GALNTL6: variants seen among roughly 807,000 people sequenced by gnomAD.
GALNTL6 encodes polypeptide N-acetylgalactosaminyltransferase-like 6.
In GALNTL6, 46 loss-of-function variants were observed where a neutral mutation model predicts 73.7. That is an observed-to-expected ratio of 0.62 (90% confidence interval 0.49 to 0.80). The LOEUF (loss-of-function observed/expected upper bound fraction) is 0.80, where lower values mean the gene tolerates loss of function less well. Among genes scored for constraint, GALNTL6 ranks in the 30% least tolerant of loss-of-function variants. The pLI, the probability that GALNTL6 is intolerant of heterozygous loss-of-function variation, is 0.00. For missense variants in GALNTL6, 604 were observed against 755.0 expected, an observed-to-expected ratio of 0.80 and a Z score of 2.34; for synonymous variants, 259 against 263.7, an observed-to-expected ratio of 0.98 and a Z score of 0.17.
chr4:173,018,144 GC>G lies in GALNTL6; in HGVS notation c.1489-3330del, dbSNP rs1752856676. 2.0e-5 allele frequency among the ~76,000 whole-genome samples: 3 copies of G among 152,282 alleles called. No individual in the cohort carries two copies. In the South Asian group the frequency reaches 6.2e-4, roughly 32 times the overall value. On this transcript the variant is annotated intron_variant, in intron 11 of 12. Transcript: ENST00000506823. ...CACTTGTTCCTGCATTGGTTGGACT[GC>G]CTATAGTACAAGGGAAATGTGCTAT...
At chr4:171,827,372 C>A (rs1265430194) in intron 2 of GALNTL6, among the ~76,000 whole-genome samples, 1 of 152,064 alleles carries the variant, frequency 6.6e-6, no homozygotes, top group East Asian at 1.9e-4. Flanking sequence ...TGACTCAGGG[C>A]GCATAGCCAT....
At chr4:172,402,568 G>C (rs1744080399) in intron 5 of GALNTL6, among the ~76,000 whole-genome samples, 1 of 152,006 alleles carries the variant, frequency 6.6e-6, no homozygotes, top group South Asian at 2.1e-4. Flanking sequence ...ATAAAACACT[G>C]CTATTGCATT....
At chr4:172,698,616 C>G (rs772498373) in intron 5 of GALNTL6, among the ~76,000 whole-genome samples, 1 of 152,128 alleles carries the variant, frequency 6.6e-6, no homozygotes. Flanking sequence ...GGATTCTTAA[C>G]GATGATTCAG....
chr4:172,176,404 T>A (rs967858549), intron 2 of GALNTL6, among the ~76,000 whole-genome samples: 4 of 150,396 alleles, frequency 2.7e-5, no homozygotes, highest in African/African-American at 9.8e-5. Context: ...AAAATAACGT[T>A]TATAGCCAGT....
intron 3 of GALNTL6, among the ~76,000 whole-genome samples, chr4:172,259,089 A>G (rs1017064678): frequency 2.6e-5 from 4 of 151,158 alleles, no homozygotes; most frequent in Non-Finnish European, 4.5e-5. Flanking sequence ...AGTCTTTTAC[A>G]TATAACAACT....
chr4:172,756,291 A>G (rs1360733222), intron 5 of GALNTL6, among the ~76,000 whole-genome samples: 1 of 152,226 alleles, frequency 6.6e-6, no homozygotes, highest in Non-Finnish European at 1.5e-5. Flanking sequence ...GCAATTAAAA[A>G]AATAATCATA....
At chr4:172,020,051 T>G (rs1334461136) in intron 2 of GALNTL6, among the ~76,000 whole-genome samples, 4 of 152,090 alleles carry the variant, frequency 2.6e-5, no homozygotes, top group African/African-American at 9.7e-5. Context: ...TTAAATAATA[T>G]GCTCTTGAAC....
intron 2 of GALNTL6, among the ~76,000 whole-genome samples, chr4:171,994,496 G>C (rs1487062685): frequency 6.6e-6 from 1 of 152,048 alleles, no homozygotes; most frequent in Non-Finnish European, 1.5e-5. Flanking sequence ...AGAAGGGTAT[G>C]ATGGACTTGG....
chr4:173,004,640 C>CTAAA (rs1003768870), intron 10 of GALNTL6, among the ~76,000 whole-genome samples: 7 of 151,946 alleles, frequency 4.6e-5, no homozygotes, highest in Admixed American at 6.6e-5. Flanking sequence ...AACTAACTAA[C>CTAAA]TAAATAAATA....
intron 8 of GALNTL6, among the ~76,000 whole-genome samples, chr4:172,921,987 T>C (rs1319621677): frequency 6.6e-6 from 1 of 152,118 alleles, no homozygotes; most frequent in Admixed American, 6.6e-5. Context: ...TTGAATTGTA[T>C]CTCCCAGCAT....
At chr4:172,360,432 A>G (rs1291054831) in intron 5 of GALNTL6, among the ~76,000 whole-genome samples, 1 of 152,086 alleles carries the variant, frequency 6.6e-6, no homozygotes, top group Non-Finnish European at 1.5e-5. Flanking sequence ...GGCATGACAC[A>G]TTTCAGAAGT....
chr4:172,808,857 T>G (rs940901226), intron 5 of GALNTL6, among the ~76,000 whole-genome samples: 7 of 152,220 alleles, frequency 4.6e-5, no homozygotes, highest in African/African-American at 1.7e-4. Context: ...TTCTTGCTAG[T>G]TTGCTATTAA....
chr4:172,799,214 A>T, intron 5 of GALNTL6, among the ~76,000 whole-genome samples: 1 of 152,226 alleles, frequency 6.6e-6, no homozygotes. Flanking sequence ...TGCAGGGAAG[A>T]ACTGGCACAG....
chr4:172,783,477 A>G (rs924195444), intron 5 of GALNTL6, among the ~76,000 whole-genome samples: 3 of 147,340 alleles, frequency 2.0e-5, no homozygotes, highest in African/African-American at 7.4e-5. Flanking sequence ...ATTATACACT[A>G]TTAATAATAT....
At chr4:172,679,279 C>T (rs745532742) in intron 5 of GALNTL6, among the ~76,000 whole-genome samples, 79 of 152,096 alleles carry the variant, frequency 5.2e-4, no homozygotes, top group Non-Finnish European at 4.4e-4. Context: ...GGTGTGGTGG[C>T]AGGCGCCTGT....
At position 172,536,075 on chromosome 4, in the gene GALNTL6, G is replaced by A. The variant is rs182760014; in HGVS notation, c.553+187386G>A. On this transcript the variant is annotated intron_variant, in intron 5 of 12. Transcript: ENST00000506823. The stretch of plus-strand genomic sequence containing the variant: ...TGGTTTTATAAGGAGCTTTTCTCCC[G>A]CTTCGCTCTGCACTTCTCTCTTGCC... Among the ~76,000 whole-genome samples, 606 of 152,154 alleles carry A rather than the reference G, an allele frequency of 4.0e-3. 4 individuals carry two copies. The highest frequency in any genetic ancestry group is 0.014 in the African/African-American group (570 of 41,514).
chr4:172,487,234 CCTGTCTTT>C lies in GALNTL6; in HGVS notation c.553+138548_553+138555del, dbSNP rs1307832650. Among the ~76,000 whole-genome samples, 23 of 145,876 alleles carry C rather than the reference CCTGTCTTT, an allele frequency of 1.6e-4. No homozygotes were observed. The East Asian group carries it at 4.7e-3, about 30-fold the overall frequency. ...TTTCTCCTTCCTTCCTTCCTTCCTT[CCTGTCTTT>C]CTTTCTTTCTTCCTTCCTTCCTTCC... On this transcript the variant is annotated intron_variant, in intron 5 of 12. Coordinates refer to ENST00000506823, the MANE Select transcript of GALNTL6 (RefSeq NM_001034845.3).
At chr4:172,183,994 T>A (rs925208502) in intron 2 of GALNTL6, among the ~76,000 whole-genome samples, 4 of 152,056 alleles carry the variant, frequency 2.6e-5, no homozygotes, top group Non-Finnish European at 5.9e-5. Context: ...GGTTTCACCA[T>A]GTTGGCCAGG....
chr4:172,409,287 C>T (rs555293703), intron 5 of GALNTL6, among the ~76,000 whole-genome samples: 1 of 152,022 alleles, frequency 6.6e-6, no homozygotes, highest in African/African-American at 2.4e-5. Context: ...CTAGTAACAA[C>T]AATAATCAAC....
Sources: gnomAD v4.1 joint callset for allele counts (sites outside exome capture counted in the v4.1 genomes callset) on GRCh38, gnomAD v4.1.1 for gene constraint, MANE v1.5 for transcripts, NCBI Gene and HGNC (gene_info 2026-07-23, HGNC 2026-07-21) for gene names.